The following FOXN3 variants were observed in gnomAD, a reference collection of about 807,000 sequenced individuals.
FOXN3 encodes forkhead box N3.
A neutral mutation model predicts 38.4 loss-of-function variants in FOXN3; 7 were observed. The ratio of observed to expected loss-of-function variants is 0.18; its 90% CI spans 0.10 to 0.34. The LOEUF (loss-of-function observed/expected upper bound fraction) is 0.34, where lower values mean the gene tolerates loss of function less well. Ranked by LOEUF, FOXN3 falls within the 10% of genes least tolerant of loss-of-function variation. FOXN3 has a pLI of 1.00. For missense variants in FOXN3, 456 were observed against 613.4 expected (o/e 0.74, Z 2.71); for synonymous variants, 230 against 242.2 (o/e 0.95, Z 0.47).
intron 1 of FOXN3, among the ~76,000 whole-genome samples, chr14:89,487,792 C>A (rs1004648203): frequency 6.6e-6 from 1 of 151,978 alleles, no homozygotes; most frequent in Non-Finnish European, 1.5e-5. Flanking sequence ...TTTCTTATAA[C>A]GGCTGGAGAG....
intron 1 of FOXN3, among the ~76,000 whole-genome samples, chr14:89,476,307 A>G (rs1034534180): frequency 1.3e-5 from 2 of 152,112 alleles, no homozygotes; most frequent in African/African-American, 4.8e-5. Context: ...GACTGGGCCA[A>G]TCTGAATGCC....
chr14:89,603,737 G>A (rs914728884), intron 1 of FOXN3, among the ~76,000 whole-genome samples: 8 of 151,994 alleles, frequency 5.3e-5, no homozygotes, highest in African/African-American at 1.9e-4. Flanking sequence ...AAAAAATAAG[G>A]CACATTCAGA....
chr14:89,574,611 C>A (rs562633048), intron 1 of FOXN3, among the ~76,000 whole-genome samples: 3 of 152,242 alleles, frequency 2.0e-5, no homozygotes, highest in Admixed American at 6.5e-5. Context: ...CAAAGGGCCA[C>A]TCCCTCCCAT....
At chr14:89,468,340 G>C (rs1893023848) in intron 1 of FOXN3, among the ~76,000 whole-genome samples, 2 of 152,062 alleles carry the variant, frequency 1.3e-5, no homozygotes, top group African/African-American at 4.8e-5. Context: ...TGTAGTCCCA[G>C]CTACTTGGGA....
At chr14:89,418,849 A>G (rs1190873084), upstream of FOXN3, among the ~76,000 whole-genome samples, 2 of 152,178 alleles carry the variant, frequency 1.3e-5, no homozygotes, top group Admixed American at 6.5e-5. Flanking sequence ...AACCAAGGCC[A>G]GAGACCTTTG....
At chr14:89,511,618 C>T (rs1050800718) in intron 1 of FOXN3, among the ~76,000 whole-genome samples, 4 of 152,072 alleles carry the variant, frequency 2.6e-5, no homozygotes, top group Non-Finnish European at 5.9e-5. Flanking sequence ...TGAGGTTACC[C>T]CCTACAGGAC....
chr14:89,608,072 A>G (rs426105), intron 1 of FOXN3, among the ~76,000 whole-genome samples: 135,361 of 151,024 alleles, frequency 0.9, 62,432 homozygotes, highest in East Asian at 1. Flanking sequence ...TCCGCTTCCC[A>G]GGTTCACGCC....
chr14:89,570,278 C>T (rs1299731273), intron 1 of FOXN3, among the ~76,000 whole-genome samples: 2 of 152,124 alleles, frequency 1.3e-5, no homozygotes, highest in Admixed American at 6.5e-5. Context: ...GGATTACAGG[C>T]GTGAACCACC....
At chr14:89,539,147 CTTTT>C (rs1283806633) in intron 1 of FOXN3, among the ~76,000 whole-genome samples, 1 of 151,996 alleles carries the variant, frequency 6.6e-6, no homozygotes, top group Non-Finnish European at 1.5e-5. Context: ...GGCCACTTTT[CTTTT>C]TTTTATTTTT....
intron 2 of FOXN3, among the ~76,000 whole-genome samples, chr14:89,411,032 C>CGG (rs1891530482): frequency 6.6e-6 from 1 of 152,196 alleles, no homozygotes; most frequent in Admixed American, 6.5e-5. Flanking sequence ...CTGTTAGGAA[C>CGG]GGGGCTGCAC....
rs1007020971 is a variant in FOXN3, at chr14:89,163,343, T to C, written c.852-374A>G. Among the ~76,000 whole-genome samples, 2 of 152,178 alleles carry C rather than the reference T, an allele frequency of 1.3e-5. No homozygotes were observed. The highest frequency in any genetic ancestry group is 1.5e-5 in the Non-Finnish European group (1 of 68,032). ...CACAGAGTCAGACACCGCCAGACGATGTTGGCTGGGTACTTCAGAGAAAAA... is the reference window on the plus strand; with the variant it reads ...CACAGAGTCAGACACCGCCAGACGACGTTGGCTGGGTACTTCAGAGAAAAA... On this transcript the variant is annotated intron_variant, in intron 5 of 5. Transcript: ENST00000557258. The surrounding 1 kb of genome is among the most constrained non-coding windows in gnomAD (Gnocchi z 4.3).
intron 1 of FOXN3, among the ~76,000 whole-genome samples, chr14:89,546,323 C>CTTTTCCTTTT (rs1566694398): frequency 2.2e-5 from 1 of 45,978 alleles, no homozygotes; most frequent in African/African-American, 1.0e-4. Flanking sequence ...TTCTTTTTTC[C>CTTTTCCTTTT]TTTTTCTTTT....
intron 1 of FOXN3, among the ~76,000 whole-genome samples, chr14:89,550,991 C>T (rs1425266598): frequency 6.6e-6 from 1 of 152,182 alleles, no homozygotes; most frequent in African/African-American, 2.4e-5. Flanking sequence ...GACGCACACA[C>T]GAATGTTTCT....
chr14:89,236,628 C>T (rs4899971), intron 4 of FOXN3, among the ~76,000 whole-genome samples: 65,203 of 152,056 alleles, frequency 0.43, 14,344 homozygotes, highest in African/African-American at 0.53. Context: ...AACAGTAAGC[C>T]AGAAGGGGGT....
rs146450873 is a variant in FOXN3, at chr14:89,262,772, T to C, written c.745+18178A>G. On this transcript the variant is annotated intron_variant, in intron 4 of 5. Transcript: ENST00000557258. ...TTATTACAACACATTCTTAAGACAT[T>C]TGGAAACCTAAGAGGCAGCATTAAC... 1.8e-3 allele frequency among the ~76,000 whole-genome samples: 273 copies of C among 152,316 alleles called. 5 individuals carry two copies. In the East Asian group the frequency reaches 0.034, roughly 19 times the overall value.
chr14:89,289,708 C>T (rs2160217), intron 3 of FOXN3, among the ~76,000 whole-genome samples: 130,481 of 152,232 alleles, frequency 0.86, 56,651 homozygotes, highest in East Asian at 0.98. Flanking sequence ...AAAGCGTGGG[C>T]GGAAATACGT....
intron 1 of FOXN3, among the ~76,000 whole-genome samples, chr14:89,508,455 C>T (rs1185712053): frequency 6.6e-6 from 1 of 152,216 alleles, no homozygotes; most frequent in East Asian, 1.9e-4. Flanking sequence ...GAGGCACCTT[C>T]CCAGTCTACA....
chr14:89,446,380 G>A (rs1892500999), intron 1 of FOXN3, among the ~76,000 whole-genome samples: 1 of 151,534 alleles, frequency 6.6e-6, no homozygotes, highest in South Asian at 2.1e-4. Flanking sequence ...GTAGAGACGG[G>A]GTTTCACCAT....
Position 89,412,376 on chromosome 14 carries a change from G to A in FOXN3, c.101C>T (p.Ala34Val), listed in dbSNP as rs768594594. ...QCYGGSGFSKALQEDDDLDFS... is the reference protein window; with the variant it reads ...QCYGGSGFSKVLQEDDDLDFS... ...GTCGAGGTCATCGTCTTCCTGAAGG[G>A]CCTTGGAGAAACCGCTGCCCCCGTA... The change falls in exon 2 of 6, where the codon GCC (alanine) becomes GTC (valine). Residue 34 changes from alanine (A) to valine (V), a missense_variant. Transcript: ENST00000557258. This position sits in a 1 kb window ranked among gnomAD's most constrained non-coding sequence, Gnocchi z 4.7. 1 of 1,614,024 alleles carries A rather than the reference G, an allele frequency of 6.2e-7. No homozygotes were observed. The highest frequency in any genetic ancestry group is 2.2e-5 in the East Asian group (1 of 44,894).
Sources: allele counts gnomAD v4.1 joint callset (sites outside exome capture counted in the v4.1 genomes callset), GRCh38; gene constraint gnomAD v4.1.1; non-coding constraint Gnocchi (gnomAD v3.1); transcripts MANE v1.5; gene names NCBI Gene and HGNC (gene_info 2026-07-23, HGNC 2026-07-21).